SLC6A20: variants seen among roughly 807,000 people sequenced by gnomAD.
SLC6A20 encodes solute carrier family 6 member 20.
In SLC6A20, 73 loss-of-function variants were observed where a neutral mutation model predicts 64.3. That is an observed-to-expected ratio of 1.14 (90% CI 0.94 to 1.38). The LOEUF (loss-of-function observed/expected upper bound fraction) is 1.38, where lower values mean the gene tolerates loss of function less well. Ranked by LOEUF, SLC6A20 falls within the 40% of genes most tolerant of loss-of-function variation. The pLI, the probability that SLC6A20 is intolerant of heterozygous loss-of-function variation, is 0.00. For missense variants in SLC6A20, 725 were observed against 772.8 expected (o/e 0.94, Z 0.73); for synonymous variants, 347 against 329.6 (o/e 1.05, Z -0.57).
Position 45,779,880 on chromosome 3 carries a change from C to T in SLC6A20, c.354+129G>A, listed in dbSNP as rs1014365736. 61 of 990,006 alleles carry T rather than the reference C, an allele frequency of 6.2e-5. No individual in the cohort carries two copies. The African/African-American group carries it at 8.8e-4, about 14-fold the overall frequency. The allele number at this position is 990,006 out of a possible 1,614,324, so 61.3% of individuals were successfully genotyped here. A position where few individuals can be genotyped will look rare whatever the true frequency, so the allele number is the denominator to read the frequency against. ...GGTGCATGGCTTCCCCTCCACCTCA[C>T]ACCACCCACCGGCTCCCCGCCCCGA... is the stretch of plus-strand genomic sequence containing the variant. On this transcript the variant is annotated intron_variant, in intron 3 of 10. Coordinates refer to ENST00000358525, the MANE Select transcript of SLC6A20 (RefSeq NM_020208.4).
intron 8 of SLC6A20, among the ~76,000 whole-genome samples, chr3:45,763,370 A>G (rs559359179): frequency 6.6e-6 from 1 of 152,316 alleles, no homozygotes; most frequent in East Asian, 1.9e-4. Context: ...CGTAGTGGGC[A>G]CTGTCATTCC....
chr3:45,791,830 A>G (rs1170486847), intron 1 of SLC6A20: 1 of 152,206 alleles, frequency 6.6e-6, no homozygotes, highest in Non-Finnish European at 1.5e-5. Flanking sequence ...CAAAGGGGAA[A>G]TTTACCTCAT....
intron 9 of SLC6A20, among the ~76,000 whole-genome samples, 195 bp downstream of exon 9, chr3:45,762,718 C>T (rs1575424147): frequency 6.6e-6 from 1 of 152,234 alleles, no homozygotes; most frequent in Admixed American, 6.5e-5. Context: ...AAAAGATATT[C>T]ACTGAAGCAA....
In SLC6A20 at chr3:45,765,725, C is replaced by A; in HGVS notation, c.1115G>T (p.Gly372Val). Residue 372 changes from glycine to valine, a missense_variant, in exon 8 of 11, where the codon GGC becomes GTC. Coordinates refer to ENST00000358525, the MANE Select transcript of SLC6A20 (RefSeq NM_020208.4). This position sits in a 1 kb window ranked among gnomAD's most constrained non-coding sequence, Gnocchi z 4.2. ...CTCTGTGTAGACGATGAATGCCAGG[C>A]CAGTGCCCTGGACGGCCTGCCCAGG... ...SELDTAVQGTGLAFIVYTEAI... is the reference protein window; with the variant it reads ...SELDTAVQGTVLAFIVYTEAI... 6.2e-7 allele frequency: 1 copy of A among 1,614,158 alleles called. No individual in the cohort carries two copies. The highest frequency in any genetic ancestry group is 8.5e-7 in the Non-Finnish European group (1 of 1,180,030).
rs1297907639 is a variant in SLC6A20, at chr3:45,758,588, A to G, written c.*390T>C. The G allele has an allele frequency of 9.1e-7, 1 of 1,103,622 alleles. No homozygotes were observed. The highest frequency in any genetic ancestry group is 1.1e-6 in the Non-Finnish European group (1 of 899,028). The allele number at this position is 1,103,622 out of a possible 1,614,324, so 68.4% of individuals were successfully genotyped here. A position where few individuals can be genotyped will look rare whatever the true frequency, so the allele number is the denominator to read the frequency against. On this transcript the variant is annotated 3_prime_UTR_variant, in exon 11 of 11. Coordinates refer to ENST00000358525, the MANE Select transcript of SLC6A20 (RefSeq NM_020208.4). ...AAACTCCTTAAATGGATCTAAAAAT[A>G]TTTGTCCTCTAATATTTTGGTGTCT...
chr3:45,765,434 G>T lies in SLC6A20; in HGVS notation c.1303+103C>A. On this transcript the variant is annotated intron_variant, in intron 8 of 10. Transcript: ENST00000358525. The surrounding 1 kb of genome is among the most constrained non-coding windows in gnomAD (Gnocchi z 4.2). ...GGTGAGGTGGCTGCAACCCCCTGTA[G>T]CCACCTGAACCAGCCCATGACCCCT... The T allele has an allele frequency of 7.5e-7, 1 of 1,326,916 alleles. No individual in the cohort carries two copies. Among genetic ancestry groups the T allele is most frequent in the Non-Finnish European group, 1.0e-6 (1 of 967,056 alleles). 82.2% of individuals were successfully genotyped at this position (1,326,916 alleles called of 1,614,324 possible).
Position 45,770,312 on chromosome 3 carries a change from T to C in SLC6A20, c.995A>G (p.Asn332Ser). The C allele has an allele frequency of 6.2e-7, 1 of 1,614,208 alleles. No homozygotes were observed. Among genetic ancestry groups the C allele is most frequent in the South Asian group, 1.1e-5 (1 of 91,082 alleles). ...DLEDGFLTAS[N>S]LEQVKGYLAS... Reference sequence around the variant, plus strand: ...GAGGTAGCCCTTCACCTGCTCCAGGTTGCTGGCTGTCAAAAAGCCATCTTC... The same window carrying C: ...GAGGTAGCCCTTCACCTGCTCCAGGCTGCTGGCTGTCAAAAAGCCATCTTC... The change falls in exon 7 of 11, where the codon AAC becomes AGC. Residue 332 changes from asparagine (N) to serine (S), a missense_variant. Coordinates refer to ENST00000358525, the MANE Select transcript of SLC6A20 (RefSeq NM_020208.4).
Position 45,772,570 on chromosome 3 carries a change from AGAT to A in SLC6A20, c.625_627del (p.Ile209del). ...TGGAGCGTGAGGCCCCTGATGAGGT[AGAT>A]GATGAGCACGCAATAGGGCAGTGAC... is the stretch of plus-strand genomic sequence containing the variant. On this transcript the variant is annotated inframe_deletion, in exon 5 of 11. Transcript: ENST00000358525. 6.2e-7 allele frequency: 1 copy of A among 1,614,046 alleles called. No individual in the cohort carries two copies. Among genetic ancestry groups the A allele is most frequent in the African/African-American group, 1.3e-5 (1 of 75,050 alleles).
At position 45,765,843 on chromosome 3, in the gene SLC6A20, A is replaced by G. The variant is rs1699768462; in HGVS notation, c.1099-102T>C. On this transcript the variant is annotated intron_variant, in intron 7 of 10. Transcript: ENST00000358525. The surrounding 1 kb of genome is among the most constrained non-coding windows in gnomAD (Gnocchi z 4.2). ...ATGGGGGACCTTGGAAGTGGCCATG[A>G]GAAGCCACATTGTGAGGTTGGAGCT... The G allele has an allele frequency of 7.9e-7, 1 of 1,259,578 alleles. No individual in the cohort carries two copies. Among genetic ancestry groups the G allele is most frequent in the African/African-American group, 1.5e-5 (1 of 67,906 alleles). The allele number at this position is 1,259,578 out of a possible 1,614,324, so 78.0% of individuals were successfully genotyped here.
intron 3 of SLC6A20, among the ~76,000 whole-genome samples, chr3:45,777,007 G>T (rs963718750): frequency 6.6e-6 from 1 of 152,202 alleles, no homozygotes; most frequent in African/African-American, 2.4e-5. Context: ...GGAGGGAGGG[G>T]AGGAAAAGTT....
At position 45,781,916 on chromosome 3, in the gene SLC6A20, C is replaced by T. The variant is rs114746206; in HGVS notation, c.262+167G>A. Among the ~76,000 whole-genome samples the T allele has an allele frequency of 7.2e-4, 110 of 152,290 alleles. 2 individuals are homozygous for T. The highest frequency in any genetic ancestry group is 1.5e-3 in the African/African-American group (64 of 41,566). On this transcript the variant is annotated intron_variant, in intron 2 of 10. Transcript: ENST00000358525. The stretch of plus-strand genomic sequence containing the variant: ...GTAGGAAACCCAGCTCCTCTCAGCC[C>T]ACATTCTATGTCATCCCCACCAGGC...
At chr3:45,768,641 T>C (rs1699812348) in intron 7 of SLC6A20, among the ~76,000 whole-genome samples, 1 of 152,064 alleles carries the variant, frequency 6.6e-6, no homozygotes, top group African/African-American at 2.4e-5. Flanking sequence ...GAAAAAAGCA[T>C]TGTCCCACCC....
rs924764104 is a variant in SLC6A20, at chr3:45,755,636, T to A, written c.*3342A>T. The A allele has an allele frequency of 6.6e-6, 1 of 152,662 alleles. No homozygotes were observed. Among genetic ancestry groups the A allele is most frequent in the Non-Finnish European group, 1.5e-5 (1 of 68,042 alleles). 9.5% of individuals were successfully genotyped at this position (152,662 alleles called of 1,614,324 possible). On this transcript the variant is annotated 3_prime_UTR_variant, in exon 11 of 11. Transcript: ENST00000358525. ...TAAGGGTACAGGGATGGAATGTCCC[T>A]TTGTCGCTCCAGCTTATTGGAGGGT...
At chr3:45,788,585 A>T (rs1192700495) in intron 1 of SLC6A20, among the ~76,000 whole-genome samples, 2 of 152,238 alleles carry the variant, frequency 1.3e-5, no homozygotes, top group African/African-American at 4.8e-5. Flanking sequence ...TATAAGATTC[A>T]CATAATACCA....
chr3:45,768,955 GA>G (rs1279912691), intron 7 of SLC6A20, among the ~76,000 whole-genome samples: 1 of 152,100 alleles, frequency 6.6e-6, no homozygotes, highest in Non-Finnish European at 1.5e-5. Flanking sequence ...GCATTGAAAA[GA>G]AAAATGCAAA....
chr3:45,778,722 T>C (rs1345555021), intron 3 of SLC6A20, among the ~76,000 whole-genome samples: 1 of 152,208 alleles, frequency 6.6e-6, no homozygotes, highest in Non-Finnish European at 1.5e-5. Context: ...GTGCACAAGC[T>C]GCCCAACCAT....
intron 9 of SLC6A20, among the ~76,000 whole-genome samples, chr3:45,762,649 C>A (rs1281923584): frequency 1.3e-5 from 2 of 152,188 alleles, no homozygotes; most frequent in Admixed American, 1.3e-4. Flanking sequence ...CTGTGGGGGT[C>A]CAGCAGGGTC....
chr3:45,765,851 C>T lies in SLC6A20; in HGVS notation c.1099-110G>A. 1 of 1,176,746 alleles carries T rather than the reference C, an allele frequency of 8.5e-7. No individual in the cohort carries two copies. Among genetic ancestry groups the T allele is most frequent in the Non-Finnish European group, 1.2e-6 (1 of 821,954 alleles). 72.9% of individuals were successfully genotyped at this position (1,176,746 alleles called of 1,614,324 possible). On this transcript the variant is annotated intron_variant, in intron 7 of 10. Transcript: ENST00000358525. This position sits in a 1 kb window ranked among gnomAD's most constrained non-coding sequence, Gnocchi z 4.2. Reference sequence around the variant, plus strand: ...CCTTGGAAGTGGCCATGAGAAGCCACATTGTGAGGTTGGAGCTTCCATCTG... The same window carrying T: ...CCTTGGAAGTGGCCATGAGAAGCCATATTGTGAGGTTGGAGCTTCCATCTG...
intron 1 of SLC6A20, among the ~76,000 whole-genome samples, chr3:45,793,814 C>T (rs888409128): frequency 4.6e-5 from 7 of 152,106 alleles, no homozygotes; most frequent in South Asian, 2.1e-4. Context: ...TTTTACCTTC[C>T]GGTAAGGGAT....
Sources: allele counts gnomAD v4.1 joint callset (sites outside exome capture counted in the v4.1 genomes callset), GRCh38; gene constraint gnomAD v4.1.1; non-coding constraint Gnocchi (gnomAD v3.1); transcripts MANE v1.5; gene names NCBI Gene and HGNC (gene_info 2026-07-23, HGNC 2026-07-21).